Variants in SERPINB11 observed in about 807,000 individuals in gnomAD.
SERPINB11 encodes the protein serpin B11.
Under a neutral mutation model 36.7 loss-of-function variants are expected in SERPINB11, and 32 were observed. The ratio of observed to expected loss-of-function variants is 0.87; its 90% CI spans 0.66 to 1.17. SERPINB11 has a LOEUF of 1.17. Among genes scored for constraint, SERPINB11 ranks in the 50% most tolerant of loss-of-function variants. The probability of loss-of-function intolerance (pLI) is 0.00; values close to 1 mark genes in which losing one functional copy is unlikely to be tolerated. For missense variants in SERPINB11, 528 were observed against 458.4 expected, an observed-to-expected ratio of 1.15 and a Z score of -1.39; for synonymous variants, 174 against 168.1, an observed-to-expected ratio of 1.04 and a Z score of -0.27.
At position 63,712,619 on chromosome 18, in the gene SERPINB11, A is replaced by T; in HGVS notation, c.283A>T (p.Asn95Tyr). ...SEFGVEFSQINQPDSNCTLSI... is the reference protein window; with the variant it reads ...SEFGVEFSQIYQPDSNCTLSI... The stretch of plus-strand genomic sequence containing the variant: ...GTTTGGTGTCGAATTCTCTCAAATC[A>T]ACCAGCCAGACTCTAACTGTACCCT... The change falls in exon 4 of 8, where the codon AAC (asparagine) becomes TAC (tyrosine). Residue 95 changes from asparagine to tyrosine, a missense_variant. By Grantham distance (143) the Asn-to-Tyr change is moderately radical. Transcript: ENST00000544088. The T allele has an allele frequency of 6.2e-7, 1 of 1,613,792 alleles. No individual in the cohort carries two copies. Among genetic ancestry groups the T allele is most frequent in the Non-Finnish European group, 8.5e-7 (1 of 1,179,728 alleles).
At chr18:63,714,179 G>C (rs535223738) in intron 4 of SERPINB11, among the ~76,000 whole-genome samples, 3 of 152,070 alleles carry the variant, frequency 2.0e-5, no homozygotes, top group Non-Finnish European at 2.9e-5. Flanking sequence ...ATGTCGGCAG[G>C]TTCCATGAAG....
rs1479164221 is a variant in SERPINB11, at chr18:63,712,540, C to T, written c.229-25C>T. The T allele has an allele frequency of 2.5e-6, 4 of 1,612,714 alleles. No homozygotes were observed. In the African/African-American group the frequency reaches 4.0e-5, roughly 16 times the overall value. On this transcript the variant is annotated intron_variant, in intron 3 of 7. Transcript: ENST00000544088. The stretch of plus-strand genomic sequence containing the variant: ...GCAAAAATCAAGCAATTTAATACAT[C>T]ATTCTTTGTTTACTGATGCTTCAGT...
In SERPINB11 at chr18:63,723,083, G is replaced by A. The variant is rs148605062; in HGVS notation, c.863G>A (p.Arg288Gln). The A allele has an allele frequency of 1.2e-4, 195 of 1,604,686 alleles. No individual in the cohort carries two copies. In the African/African-American group the frequency reaches 2.3e-3, roughly 19 times the overall value. ...MEREVEVHLP[R>Q]FKLETKYELN... ...AGAGAAGTTGAAGTACACCTCCCCC[G>A]ATTCAAACTTGAAACTAAGTATGAG... Residue 288 changes from arginine (R) to glutamine (Q), a missense_variant, in exon 8 of 8, where the codon CGA becomes CAA. Physicochemically the swap from Arg to Gln is conservative, Grantham distance 43. Coordinates refer to ENST00000544088, the MANE Select transcript of SERPINB11 (RefSeq NM_001370475.1).
intron 5 of SERPINB11, among the ~76,000 whole-genome samples, chr18:63,718,524 T>C (rs1399037840): frequency 1.3e-5 from 2 of 152,006 alleles, no homozygotes; most frequent in Admixed American, 6.6e-5. Context: ...CTAGGTGGTA[T>C]TTGAGGTGTT....
chr18:63,717,690 G>C (rs180807962), intron 5 of SERPINB11, among the ~76,000 whole-genome samples: 4 of 151,832 alleles, frequency 2.6e-5, no homozygotes. Context: ...AGAATGGTTT[G>C]TCTGTTTTTT....
chr18:63,723,066 T>A lies in SERPINB11; in HGVS notation c.846T>A (p.Val282=), dbSNP rs764044881. 3.1e-6 allele frequency: 5 copies of A among 1,605,584 alleles called. No homozygotes were observed. In the East Asian group the frequency reaches 6.7e-5, roughly 22 times the overall value. The change falls in exon 8 of 8, where the codon GTT becomes GTA. Residue 282 remains valine (V), a synonymous_variant. Transcript: ENST00000544088. ...CTTCTAACATGATGGAAAGAGAAGT[T>A]GAAGTACACCTCCCCCGATTCAAAC... The part of the protein sequence containing the change: ...TSSSNMMERE[V]EVHLPRFKLE...
intron 1 of SERPINB11, among the ~76,000 whole-genome samples, chr18:63,709,723 A>T (rs1598960307): frequency 6.6e-6 from 1 of 152,234 alleles, no homozygotes; most frequent in Non-Finnish European, 1.5e-5. Context: ...AATGACTGAG[A>T]TGGAGATGTT....
chr18:63,719,306 A>T (rs547247333), intron 5 of SERPINB11, among the ~76,000 whole-genome samples: 1 of 152,268 alleles, frequency 6.6e-6, no homozygotes, highest in South Asian at 2.1e-4. Context: ...TTGCTATCAC[A>T]TGCTAGGATT....
rs1411456812 is a variant in SERPINB11 at position 63,723,011 on chromosome 18, A to G, written c.791A>G (p.Asn264Ser). 22 of 1,576,274 alleles carry G rather than the reference A, an allele frequency of 1.4e-5. No homozygotes were observed. The highest frequency in any genetic ancestry group is 1.9e-5 in the Non-Finnish European group (22 of 1,164,762). ...ANLKQIEKQL[N>S]SGTFHEWTSS... ...GTCTCTTAGATAGAAAAGCAGCTGA[A>G]TTCGGGGACGTTTCATGAGTGGACA... Residue 264 changes from asparagine (N) to serine (S), a missense_variant, in exon 8 of 8, where the codon AAT (asparagine) becomes AGT (serine). By Grantham distance (46) the Asn-to-Ser change is conservative. Coordinates refer to ENST00000544088, the MANE Select transcript of SERPINB11 (RefSeq NM_001370475.1).
intron 7 of SERPINB11, among the ~76,000 whole-genome samples, chr18:63,721,271 G>A (rs996502946): frequency 3.3e-5 from 5 of 152,186 alleles, no homozygotes; most frequent in Non-Finnish European, 7.3e-5. Flanking sequence ...GTTGATAGTC[G>A]GGGGACATCT....
chr18:63,710,727 G>C (rs1379691144), intron 2 of SERPINB11, among the ~76,000 whole-genome samples: 3 of 152,086 alleles, frequency 2.0e-5, no homozygotes, highest in African/African-American at 7.2e-5. Flanking sequence ...ACATTACCAA[G>C]TTAAAAAATT....
intron 1 of SERPINB11, among the ~76,000 whole-genome samples, chr18:63,704,645 G>T (rs955347805): frequency 1.3e-5 from 2 of 152,160 alleles, no homozygotes; most frequent in Admixed American, 6.5e-5. Context: ...AATGATTTTT[G>T]AGAAAAACCT....
At chr18:63,717,186 T>C (rs2144545494) in intron 5 of SERPINB11, among the ~76,000 whole-genome samples, 1 of 152,240 alleles carries the variant, frequency 6.6e-6, no homozygotes, top group East Asian at 1.9e-4. Context: ...GTGAGAGTCA[T>C]CCATGTAGTT....
intron 4 of SERPINB11, among the ~76,000 whole-genome samples, chr18:63,714,152 C>T (rs1914602405): frequency 1.3e-5 from 2 of 152,060 alleles, no homozygotes; most frequent in Non-Finnish European, 2.9e-5. Context: ...AAGCTGGGTG[C>T]CCGGGAGAGA....
rs1914663488 is a variant in SERPINB11 at position 63,716,158 on chromosome 18, G to T, written c.475+6G>T. ...GGTTGAAAATAAAACTAATGGTAAG[G>T]ATAAGTCAATATGTGTCTCTAAACT... On this transcript the variant is annotated splice_donor_region_variant and intron_variant, in intron 5 of 7. Coordinates refer to ENST00000544088, the MANE Select transcript of SERPINB11 (RefSeq NM_001370475.1). 6.5e-7 allele frequency: 1 copy of T among 1,542,652 alleles called. No homozygotes were observed. The highest frequency in any genetic ancestry group is 1.1e-5 in the South Asian group (1 of 87,092).
At chr18:63,703,912 C>T (rs1321669784) in intron 1 of SERPINB11, among the ~76,000 whole-genome samples, 2 of 152,160 alleles carry the variant, frequency 1.3e-5, no homozygotes, top group African/African-American at 4.8e-5. Context: ...GACAGATATC[C>T]TTCTTTTCTT....
intron 5 of SERPINB11, among the ~76,000 whole-genome samples, chr18:63,717,150 G>C (rs1280818858): frequency 6.6e-6 from 1 of 152,014 alleles, no homozygotes; most frequent in Non-Finnish European, 1.5e-5. Context: ...CATAAGTTAT[G>C]TGGGTTTTTT....
chr18:63,719,016 G>A (rs1914738097), intron 5 of SERPINB11, among the ~76,000 whole-genome samples: 4 of 152,030 alleles, frequency 2.6e-5, no homozygotes, highest in Admixed American at 2.0e-4. Flanking sequence ...AATTGAGCCA[G>A]TAGACACTAA....
At chr18:63,713,275 C>T (rs1178644550) in intron 4 of SERPINB11, among the ~76,000 whole-genome samples, 1 of 152,180 alleles carries the variant, frequency 6.6e-6, no homozygotes, top group Non-Finnish European at 1.5e-5. Context: ...GCATTATCTC[C>T]TATAATCCTC....
Sources: allele counts gnomAD v4.1 joint callset (sites outside exome capture counted in the v4.1 genomes callset), GRCh38; gene constraint gnomAD v4.1.1; transcripts MANE v1.5; gene names NCBI Gene and HGNC (gene_info 2026-07-23, HGNC 2026-07-21).